The following TCEA2 variants were observed in gnomAD, a reference collection of about 807,000 sequenced individuals.
The protein encoded by TCEA2 is transcription elongation factor A2.
Under a neutral mutation model 40.8 loss-of-function variants are expected in TCEA2, and 21 were observed. The ratio of observed to expected loss-of-function variants is 0.51; its 90% CI spans 0.36 to 0.74. TCEA2 has a LOEUF of 0.74. TCEA2 is among the 30% of genes least tolerant of loss of function. The pLI is 0.00. For synonymous variants in TCEA2, 165 were observed against 162.7 expected (o/e 1.01, Z -0.11); for missense variants, 326 against 426.5 (o/e 0.76, Z 2.08).
chr20:64,069,492 G>A lies in TCEA2; in HGVS notation c.460+1G>A, dbSNP rs747177104. ...CTGACCGCTGCCCTGCAGACGGACC[G>A]TGAGTGCGGCCGGCCCTGGCTCCTG... On this transcript the variant is annotated splice_donor_variant, in intron 5 of 9. Transcript: ENST00000343484. LOFTEE classifies it high-confidence loss of function. 5 of 1,612,210 alleles carry A rather than the reference G, an allele frequency of 3.1e-6. No individual in the cohort carries two copies. The highest frequency in any genetic ancestry group is 1.7e-5 in the Admixed American group (1 of 59,960).
upstream of TCEA2, among the ~76,000 whole-genome samples, chr20:64,061,275 T>TG (rs539268168): frequency 1.0e-2 from 1,489 of 149,558 alleles, 12 homozygotes; most frequent in Non-Finnish European, 0.016. Context: ...TAATTTTTTT[T>TG]TTGTTGTTGT....
chr20:64,071,277 G>A (rs1224202130), intron 8 of TCEA2, among the ~76,000 whole-genome samples: 1 of 152,026 alleles, frequency 6.6e-6, no homozygotes, highest in Non-Finnish European at 1.5e-5. Flanking sequence ...GAACCCGGGA[G>A]ACAGAGGTTG....
upstream of TCEA2, among the ~76,000 whole-genome samples, chr20:64,061,094 GTCT>G (rs2059554899): frequency 6.1e-5 from 4 of 65,450 alleles, no homozygotes; most frequent in Admixed American, 9.3e-4. Flanking sequence ...CCCAGCCTGA[GTCT>G]TTTTTTTTTT....
chr20:64,063,292 G>T lies in TCEA2; in HGVS notation c.-21G>T, dbSNP rs986552338. The T allele has an allele frequency of 6.6e-7, 1 of 1,518,186 alleles. No homozygotes were observed. Among genetic ancestry groups the T allele is most frequent in the African/African-American group, 1.4e-5 (1 of 69,286 alleles). 94.0% of individuals were successfully genotyped at this position (1,518,186 alleles called of 1,614,324 possible). Reference sequence around the variant, plus strand: ...TGCGGAGGCGGGCGCGACGGGCGCGGGGGTCGCTGCTCCTGAGGCGATGAT... The same window carrying T: ...TGCGGAGGCGGGCGCGACGGGCGCGTGGGTCGCTGCTCCTGAGGCGATGAT... On this transcript the variant is annotated 5_prime_UTR_variant, in exon 1 of 10. Coordinates refer to ENST00000343484, the MANE Select transcript of TCEA2 (RefSeq NM_003195.6).
At chr20:64,066,313 A>G (rs2059692715) in intron 1 of TCEA2, 163 bp from the exon 2 acceptor site, 1 of 733,298 alleles carries the variant, frequency 1.4e-6, no homozygotes, top group Non-Finnish European at 2.3e-6. Flanking sequence ...ACATGTGGGC[A>G]GAGCCCTGGG....
chr20:64,060,937 A>G (rs150650163), upstream of TCEA2, among the ~76,000 whole-genome samples: 57 of 150,678 alleles, frequency 3.8e-4, 1 homozygote, highest in East Asian at 0.011. Flanking sequence ...CTACAGGCGC[A>G]TGCCGCCATG....
chr20:64,072,028 T>C, intron 9 of TCEA2, 87 bp downstream of exon 9: 1 of 1,600,594 alleles, frequency 6.2e-7, no homozygotes, highest in South Asian at 1.1e-5. Flanking sequence ...TGGTGTGAAC[T>C]GGGGATGGCC....
At chr20:64,071,361 AAG>A (rs1491376206) in intron 8 of TCEA2, among the ~76,000 whole-genome samples, 8 of 151,532 alleles carry the variant, frequency 5.3e-5, no homozygotes, top group East Asian at 1.9e-4. Context: ...AAAAAAAAAA[AAG>A]AGGGGAGTGT....
rs534483364 is a variant in TCEA2, at chr20:64,066,335, A to C, written c.73-141A>C. 3 of 941,000 alleles carry C rather than the reference A, an allele frequency of 3.2e-6. No individual in the cohort carries two copies. In the South Asian group the frequency reaches 4.6e-5, roughly 14 times the overall value. 58.3% of individuals were successfully genotyped at this position (941,000 alleles called of 1,614,324 possible). On this transcript the variant is annotated intron_variant, in intron 1 of 9. Coordinates refer to ENST00000343484, the MANE Select transcript of TCEA2 (RefSeq NM_003195.6). ...GGCAGAGCCCTGGGTGTCTCCAGGT[A>C]GAGGAATTTTGGTTTCTTTTTGACC... is the stretch of plus-strand genomic sequence containing the variant.
chr20:64,061,038 C>T (rs557308554), upstream of TCEA2, among the ~76,000 whole-genome samples: 19 of 149,784 alleles, frequency 1.3e-4, no homozygotes, highest in South Asian at 6.3e-4. Context: ...TGAGCTCAGG[C>T]AGTCCACCTC....
intron 2 of TCEA2, 97 bp from the exon 3 acceptor site, chr20:64,066,818 G>C: frequency 8.0e-7 from 1 of 1,251,152 alleles, no homozygotes; most frequent in Non-Finnish European, 1.1e-6. Flanking sequence ...GGAGGTCCCG[G>C]GCTCCTGTCC....
At position 64,067,011 on chromosome 20, in the gene TCEA2, A is replaced by T. The variant is rs1380618713; in HGVS notation, c.232A>T (p.Lys78Ter). ...CAAGTCTCTCATCAAGTCCTGGAAG[A>T]AGCTCCTGGGTGCGGCTCAGGCGGT... ...LAKSLIKSWK[K>*]LLDASDAKAR... The change falls in exon 3 of 10, where the codon AAG becomes TAG. Residue 78 changes from lysine to a stop codon, truncating the protein, a stop_gained. Coordinates refer to ENST00000343484, the MANE Select transcript of TCEA2 (RefSeq NM_003195.6). LOFTEE classifies it high-confidence loss of function. The T allele has an allele frequency of 1.2e-6, 2 of 1,612,320 alleles. No homozygotes were observed. The highest frequency in any genetic ancestry group is 1.6e-4 in the Middle Eastern group (1 of 6,062).
chr20:64,069,393 C>A lies in TCEA2; in HGVS notation c.362C>A (p.Ser121Ter). 6.2e-7 allele frequency: 1 copy of A among 1,607,166 alleles called. No homozygotes were observed. Among genetic ancestry groups the A allele is most frequent in the Non-Finnish European group, 8.5e-7 (1 of 1,177,152 alleles). ...RKRPELPRAP[S>*]TPRITTFPPV... ...AGGCCGGAGCTGCCCAGGGCACCGT[C>A]GACTCCGAGGATCACCACATTTCCT... Residue 121 changes from serine (S) to a stop codon, truncating the protein, a stop_gained, in exon 5 of 10, where the codon TCG becomes TAG. Transcript: ENST00000343484. LOFTEE classifies it high-confidence loss of function.
upstream of TCEA2, chr20:64,062,689 C>G (rs1274228505): frequency 6.6e-6 from 1 of 152,326 alleles, no homozygotes; most frequent in Admixed American, 6.5e-5. Context: ...CAGGGCCCCA[C>G]AAGAGGCCTC....
At chr20:64,067,551 G>A (rs1046547940) in intron 3 of TCEA2, among the ~76,000 whole-genome samples, 3 of 152,168 alleles carry the variant, frequency 2.0e-5, no homozygotes, top group Admixed American at 6.5e-5. Flanking sequence ...CAAAGATGCT[G>A]CTGTCTGGGA....
intron 1 of TCEA2, 195 bp from the exon 2 acceptor site, chr20:64,066,281 G>T: frequency 1.7e-6 from 1 of 591,058 alleles, no homozygotes; most frequent in South Asian, 2.1e-5. Flanking sequence ...GAGCAGTAAG[G>T]GTTCCCTGCT....
At position 64,063,387 on chromosome 20, in the gene TCEA2, G is replaced by A. The variant is rs1196073818; in HGVS notation, c.72+3G>A. On this transcript the variant is annotated splice_donor_region_variant and intron_variant, in intron 1 of 9. Transcript: ENST00000343484. ...AGATGGTGACCAAGAAGAGCGCGGT[G>A]AGGGGCGCGGGCCGCCAGGACCCCG... 3 of 1,545,800 alleles carry A rather than the reference G, an allele frequency of 1.9e-6. No homozygotes were observed. In the African/African-American group the frequency reaches 4.1e-5, roughly 21 times the overall value.
At chr20:64,055,664 G>A (rs816950), upstream of TCEA2, among the ~76,000 whole-genome samples, 39,683 of 152,092 alleles carry the variant, frequency 0.26, 6,516 homozygotes, top group African/African-American at 0.47. The surrounding 1 kb of genome is among the most constrained non-coding windows in gnomAD (Gnocchi z 4.0). Flanking sequence ...TCTGAGTGAG[G>A]TGGGACCTTG....
chr20:64,069,347 C>T lies in TCEA2; in HGVS notation c.330-14C>T. ...GCCTTGAGTCTGAACCCAGCTGGCC[C>T]TGGCTCTCTGCAGCCGCAAGAGGCC... On this transcript the variant is annotated splice_polypyrimidine_tract_variant and intron_variant, in intron 4 of 9. Coordinates refer to ENST00000343484, the MANE Select transcript of TCEA2 (RefSeq NM_003195.6). 6.4e-7 allele frequency: 1 copy of T among 1,566,524 alleles called. No homozygotes were observed. Among genetic ancestry groups the T allele is most frequent in the South Asian group, 1.2e-5 (1 of 86,456 alleles).
Sources: gnomAD v4.1 joint callset for allele counts (sites outside exome capture counted in the v4.1 genomes callset) on GRCh38, gnomAD v4.1.1 for gene constraint, Gnocchi (gnomAD v3.1) non-coding constraint, MANE v1.5 for transcripts, NCBI Gene and HGNC (gene_info 2026-07-23, HGNC 2026-07-21) for gene names.